MED13L: variants seen among roughly 807,000 people sequenced by gnomAD.
The protein encoded by MED13L is mediator of RNA polymerase II transcription subunit 13-like.
A neutral mutation model predicts 220.9 loss-of-function variants in MED13L; 7 were observed. The ratio of observed to expected loss-of-function variants is 0.03; its 90% CI spans 0.02 to 0.06. The LOEUF is 0.06. MED13L is among the 10% of genes least tolerant of loss of function. The pLI is 1.00. For synonymous variants in MED13L, 1,011 were observed against 1,015.2 expected, an observed-to-expected ratio of 1.00 and a Z score of 0.08; for missense variants, 1,965 against 2,760.5, an observed-to-expected ratio of 0.71 and a Z score of 6.46.
At chr12:116,045,659 C>T (rs974320677) in intron 4 of MED13L, among the ~76,000 whole-genome samples, 2 of 151,870 alleles carry the variant, frequency 1.3e-5, no homozygotes, top group Non-Finnish European at 2.9e-5. Context: ...ATAATTTGAC[C>T]AACATTAACA....
At chr12:116,228,077 A>C (rs1869181559) in intron 2 of MED13L, among the ~76,000 whole-genome samples, 1 of 152,184 alleles carries the variant, frequency 6.6e-6, no homozygotes, top group Non-Finnish European at 1.5e-5. Context: ...TACTCCCTTA[A>C]GTCAAAGCCG....
chr12:116,127,928 A>C (rs1021334308), intron 2 of MED13L, among the ~76,000 whole-genome samples: 1 of 152,172 alleles, frequency 6.6e-6, no homozygotes, highest in Non-Finnish European at 1.5e-5. Flanking sequence ...TACCTCTTCC[A>C]ACACCCTCTG....
Position 115,988,310 on chromosome 12 carries a change from G to A in MED13L, c.3935-1022C>T, listed in dbSNP as rs79864215. On this transcript the variant is annotated intron_variant, in intron 17 of 30. Transcript: ENST00000281928. The stretch of plus-strand genomic sequence containing the variant: ...TAAACTTTGGAACAAATCACTCCAG[G>A]AAATTTCACACACAAATCTAGATTG... Among the ~76,000 whole-genome samples the A allele has an allele frequency of 9.4e-4, 143 of 152,216 alleles. 1 individual carries two copies. The highest frequency in any genetic ancestry group is 3.4e-3 in the Middle Eastern group (1 of 294).
At chr12:116,054,262 T>A (rs894892238) in intron 4 of MED13L, among the ~76,000 whole-genome samples, 11 of 152,000 alleles carry the variant, frequency 7.2e-5, no homozygotes, top group Non-Finnish European at 1.6e-4. Flanking sequence ...TCCTCCTGCA[T>A]TTTCTCATGT....
chr12:116,104,273 G>T (rs1420308619), intron 3 of MED13L, among the ~76,000 whole-genome samples: 1 of 152,050 alleles, frequency 6.6e-6, no homozygotes, highest in Non-Finnish European at 1.5e-5. Context: ...GCCTCCCAAA[G>T]TGCTGGGACT....
chr12:116,134,224 A>G (rs772762801), intron 2 of MED13L, among the ~76,000 whole-genome samples: 2 of 152,244 alleles, frequency 1.3e-5, no homozygotes, highest in Non-Finnish European at 2.9e-5. Flanking sequence ...CTAGTTTTGC[A>G]GTAACATAAT....
intron 2 of MED13L, among the ~76,000 whole-genome samples, chr12:116,210,584 T>TATATAG (rs1310522709): frequency 7.2e-6 from 1 of 139,720 alleles, no homozygotes; most frequent in African/African-American, 2.6e-5. Context: ...TATATATATA[T>TATATAG]TTCTATAGTG....
At chr12:116,137,196 G>A (rs2138030312) in intron 2 of MED13L, among the ~76,000 whole-genome samples, 1 of 152,102 alleles carries the variant, frequency 6.6e-6, no homozygotes, top group South Asian at 2.1e-4. Flanking sequence ...GCTATTTTGT[G>A]CATCCTTCTT....
intron 4 of MED13L, among the ~76,000 whole-genome samples, chr12:116,093,639 T>C (rs1872429463): frequency 1.3e-5 from 2 of 152,106 alleles, no homozygotes; most frequent in Admixed American, 1.3e-4. Context: ...AAATTAGTAA[T>C]ACTAATAATC....
At chr12:116,263,931 T>C (rs770510530) in intron 1 of MED13L, among the ~76,000 whole-genome samples, 5 of 152,142 alleles carry the variant, frequency 3.3e-5, no homozygotes, top group Admixed American at 6.5e-5. Context: ...CAAAGTACAC[T>C]GAATCGCTAG....
intron 4 of MED13L, among the ~76,000 whole-genome samples, chr12:116,052,866 T>C (rs966733024): frequency 2.0e-5 from 3 of 152,230 alleles, no homozygotes; most frequent in Admixed American, 6.5e-5. Flanking sequence ...ACATTAATTA[T>C]GGAGTGTTTA....
At chr12:116,123,325 T>C (rs528241744) in intron 2 of MED13L, among the ~76,000 whole-genome samples, 1 of 152,278 alleles carries the variant, frequency 6.6e-6, no homozygotes, top group Non-Finnish European at 1.5e-5. Context: ...ACCAATATTT[T>C]TAAAACAGGA....
intron 2 of MED13L, among the ~76,000 whole-genome samples, chr12:116,165,724 C>T (rs1188654113): frequency 4.6e-5 from 7 of 152,118 alleles, no homozygotes; most frequent in Non-Finnish European, 8.8e-5. Context: ...AACCACTCAC[C>T]TTCCTCAAGA....
intron 2 of MED13L, chr12:116,237,036 T>A: frequency 4.5e-6 from 1 of 222,804 alleles, no homozygotes; most frequent in Non-Finnish European, 7.5e-6. Flanking sequence ...GGCTCAAAAC[T>A]AAATTTCTGT....
intron 1 of MED13L, among the ~76,000 whole-genome samples, chr12:116,238,187 A>T (rs143467791): frequency 6.6e-6 from 1 of 152,230 alleles, no homozygotes; most frequent in Non-Finnish European, 1.5e-5. Context: ...GAAGTACGAG[A>T]GTGTTTCATC....
At chr12:116,102,927 A>G (rs948162438) in intron 3 of MED13L, among the ~76,000 whole-genome samples, 1 of 151,868 alleles carries the variant, frequency 6.6e-6, no homozygotes, top group African/African-American at 2.4e-5. Flanking sequence ...CATGTTGGTC[A>G]GGCTGGTCTT....
intron 28 of MED13L, among the ~76,000 whole-genome samples, chr12:115,966,981 G>A (rs1469306786): frequency 1.3e-5 from 2 of 151,918 alleles, no homozygotes; most frequent in East Asian, 3.9e-4. Context: ...AGACCTGCCT[G>A]GCGAACATGG....
At chr12:116,097,638 A>G (rs897775345) in intron 3 of MED13L, among the ~76,000 whole-genome samples, 5 of 152,206 alleles carry the variant, frequency 3.3e-5, no homozygotes, top group Admixed American at 3.3e-4. Context: ...AAGGAATTGC[A>G]ATTGTGTCTT....
intron 1 of MED13L, among the ~76,000 whole-genome samples, chr12:116,258,918 G>GTTT (rs768787146): frequency 7.2e-6 from 1 of 138,216 alleles, no homozygotes; most frequent in Non-Finnish European, 1.6e-5. Flanking sequence ...AATATTGAGG[G>GTTT]TTTTTTTTTT....
Sources: gnomAD v4.1 joint callset for allele counts (sites outside exome capture counted in the v4.1 genomes callset) on GRCh38, gnomAD v4.1.1 for gene constraint, MANE v1.5 for transcripts, NCBI Gene and HGNC (gene_info 2026-07-23, HGNC 2026-07-21) for gene names.